Variants in DZIP1L observed in about 807,000 individuals in gnomAD.
DZIP1L encodes DAZ interacting zinc finger protein 1 like, also known as cilium assembly protein DZIP1L.
Under a neutral mutation model 88.7 loss-of-function variants are expected in DZIP1L, and 90 were observed. That is an observed-to-expected ratio of 1.02 (90% confidence interval 0.86 to 1.21). The LOEUF is 1.21. DZIP1L is among the 50% of genes most tolerant of loss of function. The pLI is 0.00. For missense variants in DZIP1L, 932 were observed against 955.8 expected (o/e 0.98, Z 0.33); for synonymous variants, 363 against 372.1 (o/e 0.98, Z 0.28).
chr3:138,091,839 A>G (rs1451744200), intron 5 of DZIP1L, among the ~76,000 whole-genome samples: 1 of 152,086 alleles, frequency 6.6e-6, no homozygotes, highest in Non-Finnish European at 1.5e-5. Context: ...TAGTATATAT[A>G]AAGTATACTG....
chr3:138,108,263 C>T (rs1020650609), intron 1 of DZIP1L: 11 of 984,980 alleles, frequency 1.1e-5, no homozygotes, highest in African/African-American at 3.5e-5. Context: ...AGCTGTGCCT[C>T]GGAGCAACAG....
Position 138,100,488 on chromosome 3 carries a change from A to G in DZIP1L, c.502-2641T>C, listed in dbSNP as rs77042827. Among the ~76,000 whole-genome samples, 1,068 of 152,338 alleles carry G rather than the reference A, an allele frequency of 7.0e-3. 11 individuals carry two copies. Among genetic ancestry groups the G allele is most frequent in the African/African-American group, 0.023 (955 of 41,576 alleles). On this transcript the variant is annotated intron_variant, in intron 2 of 15. Coordinates refer to ENST00000327532, the MANE Select transcript of DZIP1L (RefSeq NM_173543.3). ...CATTCTAGCAAATTATTGAACCTCA[A>G]GATGGAGTTATGGGAACCCTCAATT...
chr3:138,110,673 C>T (rs1206506314), intron 1 of DZIP1L, among the ~76,000 whole-genome samples: 1 of 152,134 alleles, frequency 6.6e-6, no homozygotes, highest in Admixed American at 6.5e-5. Context: ...ATGACTGGCA[C>T]TCGGGATCAA....
intron 11 of DZIP1L, among the ~76,000 whole-genome samples, chr3:138,076,344 A>G (rs1031562078): frequency 4.6e-5 from 7 of 152,232 alleles, no homozygotes; most frequent in African/African-American, 1.7e-4. Flanking sequence ...CACTATGGAA[A>G]AGTGTGGAGA....
Position 138,115,332 on chromosome 3 carries a change from G to C in DZIP1L, c.-86C>G, listed in dbSNP as rs1036510526. ...TTTCCCGCGCGGCCCGCTCACCGTGGGGTCTCCTGGAGCCGGGGACGGCGG... is the reference window on the plus strand; with the variant it reads ...TTTCCCGCGCGGCCCGCTCACCGTGCGGTCTCCTGGAGCCGGGGACGGCGG... On this transcript the variant is annotated 5_prime_UTR_variant, in exon 1 of 16. Transcript: ENST00000327532. The C allele has an allele frequency of 6.6e-6, 1 of 152,184 alleles. No homozygotes were observed. The highest frequency in any genetic ancestry group is 2.4e-5 in the African/African-American group (1 of 41,442). 9.4% of individuals were successfully genotyped at this position (152,184 alleles called of 1,614,324 possible).
chr3:138,069,192 A>G, intron 12 of DZIP1L: 1 of 674,446 alleles, frequency 1.5e-6, no homozygotes, highest in Admixed American at 2.2e-5. Flanking sequence ...AACAAGGATG[A>G]AGTCCTTTAT....
In DZIP1L at chr3:138,077,640, A is replaced by G; in HGVS notation, c.1289-8T>C. On this transcript the variant is annotated splice_polypyrimidine_tract_variant and splice_region_variant and intron_variant, in intron 10 of 15. Transcript: ENST00000327532. ...CCTGGGAGTCCTCCATCTCTGTAGC[A>G]TGAGACATTCACCCAGATCAGCCTG... 1.2e-6 allele frequency: 2 copies of G among 1,613,994 alleles called. No individual in the cohort carries two copies. The highest frequency in any genetic ancestry group is 1.7e-6 in the Non-Finnish European group (2 of 1,179,970).
At chr3:138,107,330 G>C (rs1423340992) in intron 1 of DZIP1L, among the ~76,000 whole-genome samples, 1 of 152,164 alleles carries the variant, frequency 6.6e-6, no homozygotes, top group East Asian at 1.9e-4. Context: ...CTGATGAAAG[G>C]AGGAATTCAG....
chr3:138,100,002 A>G (rs769132771), intron 2 of DZIP1L, among the ~76,000 whole-genome samples: 1 of 151,990 alleles, frequency 6.6e-6, no homozygotes, highest in Non-Finnish European at 1.5e-5. Context: ...CCACCCCGCA[A>G]ATGACTTTCT....
chr3:138,068,077 A>T, intron 13 of DZIP1L, 74 bp downstream of exon 13: 1 of 1,301,254 alleles, frequency 7.7e-7, no homozygotes, highest in Middle Eastern at 2.8e-4. Flanking sequence ...GCCTGGAGGG[A>T]GCCCAGAACA....
chr3:138,074,709 G>A (rs964225951), intron 11 of DZIP1L, among the ~76,000 whole-genome samples: 2 of 148,388 alleles, frequency 1.3e-5, no homozygotes, highest in African/African-American at 2.5e-5. Context: ...AAATCTCATA[G>A]GACCTATACA....
chr3:138,082,093 T>C (rs937153709), intron 8 of DZIP1L, among the ~76,000 whole-genome samples: 5 of 152,168 alleles, frequency 3.3e-5, no homozygotes, highest in African/African-American at 9.7e-5. Flanking sequence ...GTATAATTCA[T>C]GGAAAACAGC....
Position 138,101,814 on chromosome 3 carries a change from C to G in DZIP1L, c.501+1657G>C, listed in dbSNP as rs542649580. 60 of 1,198,088 alleles carry G rather than the reference C, an allele frequency of 5.0e-5. 1 individual carries two copies. Among genetic ancestry groups the G allele is most frequent in the East Asian group, 4.7e-4 (20 of 42,972 alleles). 74.2% of individuals were successfully genotyped at this position (1,198,088 alleles called of 1,614,324 possible). A position where few individuals can be genotyped will look rare whatever the true frequency, so the allele number is the denominator to read the frequency against. On this transcript the variant is annotated intron_variant, in intron 2 of 15. Transcript: ENST00000327532. The stretch of plus-strand genomic sequence containing the variant: ...GCTTGACATTCATCAGCTCCTGATA[C>G]TCACGCAGCTGCCGCTCCATGTCCT...
At chr3:138,086,725 C>T (rs1356970916) in intron 7 of DZIP1L, among the ~76,000 whole-genome samples, 3 of 152,146 alleles carry the variant, frequency 2.0e-5, no homozygotes, top group African/African-American at 4.8e-5. Context: ...AGGATGTGTT[C>T]GATTCAGAGG....
intron 14 of DZIP1L, among the ~76,000 whole-genome samples, chr3:138,065,025 G>A (rs1217223761): frequency 6.6e-6 from 1 of 152,256 alleles, no homozygotes; most frequent in Non-Finnish European, 1.5e-5. Flanking sequence ...TTAGGAAGCT[G>A]TGCTTCCCTC....
chr3:138,099,727 T>C (rs778778985), intron 2 of DZIP1L, among the ~76,000 whole-genome samples: 1 of 152,084 alleles, frequency 6.6e-6, no homozygotes, highest in Non-Finnish European at 1.5e-5. Context: ...AGAAAGAGCC[T>C]GGCATTCCTC....
chr3:138,107,935 C>T (rs2042542506), intron 1 of DZIP1L, among the ~76,000 whole-genome samples: 1 of 152,172 alleles, frequency 6.6e-6, no homozygotes, highest in Non-Finnish European at 1.5e-5. Flanking sequence ...TTCTCAGATA[C>T]TCTTTCCCAA....
intron 14 of DZIP1L, among the ~76,000 whole-genome samples, chr3:138,067,060 T>C (rs980398899): frequency 2.6e-5 from 4 of 152,114 alleles, no homozygotes; most frequent in African/African-American, 9.7e-5. Flanking sequence ...GGATCTGGAT[T>C]TGGGGAGGCT....
At position 138,088,395 on chromosome 3, in the gene DZIP1L, T is replaced by A; in HGVS notation, c.983A>T (p.Glu328Val). 6.2e-7 allele frequency: 1 copy of A among 1,612,248 alleles called. No individual in the cohort carries two copies. The highest frequency in any genetic ancestry group is 1.3e-5 in the African/African-American group (1 of 74,976). ...TCAGCTCACCTGAATTTCTGTCTTCTCTCTCAGGGCCTGAAGCTCCCGTGC... is the reference window on the plus strand; with the variant it reads ...TCAGCTCACCTGAATTTCTGTCTTCACTCTCAGGGCCTGAAGCTCCCGTGC... ...RQARELQALR[E>V]KTEIQKTEWK... Residue 328 changes from glutamate (E) to valine (V), a missense_variant, in exon 6 of 16, where the codon GAG (glutamate) becomes GTG (valine). Transcript: ENST00000327532.
Sources: gnomAD v4.1 joint callset for allele counts (sites outside exome capture counted in the v4.1 genomes callset) on GRCh38, gnomAD v4.1.1 for gene constraint, MANE v1.5 for transcripts, NCBI Gene and HGNC (gene_info 2026-07-23, HGNC 2026-07-21) for gene names.